OLAH: variants seen among roughly 807,000 people sequenced by gnomAD.
The protein encoded by OLAH is S-acyl fatty acid synthase thioesterase, medium chain.
OLAH carries 33 observed loss-of-function variants against 27.8 expected under a neutral mutation model. The observed-to-expected ratio is 1.19, with a 90% CI of 0.90 to 1.59. OLAH has a LOEUF of 1.59. OLAH is among the 40% of genes most tolerant of loss of function. OLAH has a pLI of 0.00. For synonymous variants in OLAH, 120 were observed against 102.9 expected (o/e 1.17, Z -1.01); for missense variants, 359 against 310.8 (o/e 1.16, Z -1.17).
chr10:15,069,250 C>G (rs748050522), intron 6 of OLAH, among the ~76,000 whole-genome samples: 1 of 152,156 alleles, frequency 6.6e-6, no homozygotes, highest in African/African-American at 2.4e-5. Context: ...TGGAAGATTC[C>G]TGCCCCTTCC....
At chr10:15,056,863 T>C in intron 3 of OLAH, 1 of 1,524,658 alleles carries the variant, frequency 6.6e-7, no homozygotes. Flanking sequence ...GGTCTCAAAC[T>C]CCGGCGCTCA....
At chr10:15,050,214 T>G (rs775689513) in intron 3 of OLAH, among the ~76,000 whole-genome samples, 3 of 152,306 alleles carry the variant, frequency 2.0e-5, no homozygotes, top group Middle Eastern at 3.4e-3. Context: ...GGCCAGGAGT[T>G]CAAGACCAGT....
At chr10:15,060,198 C>A (rs1411405432) in intron 3 of OLAH, among the ~76,000 whole-genome samples, 2 of 152,092 alleles carry the variant, frequency 1.3e-5, no homozygotes, top group African/African-American at 4.8e-5. Flanking sequence ...AAGACAGAGT[C>A]TCAGTCTGTC....
In OLAH at chr10:15,056,801, T is replaced by A. The variant is rs754090485; in HGVS notation, c.164-4923T>A. 19 of 1,445,366 alleles carry A rather than the reference T, an allele frequency of 1.3e-5. No individual in the cohort carries two copies. The South Asian group carries it at 2.7e-4, about 21-fold the overall frequency. The allele number at this position is 1,445,366 out of a possible 1,614,324, so 89.5% of individuals were successfully genotyped here. On this transcript the variant is annotated intron_variant, in intron 3 of 7. Coordinates refer to ENST00000378228, the MANE Select transcript of OLAH (RefSeq NM_001039702.3). Reference sequence around the variant, plus strand: ...ATACACCACTATGCTCGGCTAATTTTATTTTATTTTATTTTTTTGTAGAGA... The same window carrying A: ...ATACACCACTATGCTCGGCTAATTTAATTTTATTTTATTTTTTTGTAGAGA...
At chr10:15,054,955 T>C (rs1003215838) in intron 3 of OLAH, among the ~76,000 whole-genome samples, 4 of 151,858 alleles carry the variant, frequency 2.6e-5, no homozygotes, top group Admixed American at 2.0e-4. Flanking sequence ...CTTTGTGAGG[T>C]GTTTTTTGTT....
chr10:15,051,453 G>A (rs1220716360), intron 3 of OLAH, among the ~76,000 whole-genome samples: 1 of 152,228 alleles, frequency 6.6e-6, no homozygotes, highest in Non-Finnish European at 1.5e-5. Context: ...TCTAATGGCT[G>A]CAAGCCTTGC....
At position 15,072,036 on chromosome 10, in the gene OLAH, C is replaced by T. The variant is rs138873171; in HGVS notation, c.655+159C>T. Reference sequence around the variant, plus strand: ...GCAACCTCCGCCTCCCAGGTTCAAACGATTCTCCTGCCTCAGCCTCCTGAG... The same window carrying T: ...GCAACCTCCGCCTCCCAGGTTCAAATGATTCTCCTGCCTCAGCCTCCTGAG... On this transcript the variant is annotated intron_variant, in intron 7 of 7. Coordinates refer to ENST00000378228, the MANE Select transcript of OLAH (RefSeq NM_001039702.3). Among the ~76,000 whole-genome samples the T allele has an allele frequency of 7.5e-3, 1,140 of 152,190 alleles. 15 individuals carry two copies. The highest frequency in any genetic ancestry group is 0.026 in the African/African-American group (1,061 of 41,518).
chr10:15,071,566 G>A (rs951816604), intron 6 of OLAH: 2 of 985,306 alleles, frequency 2.0e-6, no homozygotes, highest in African/African-American at 1.7e-5. Flanking sequence ...GTGCCATCCT[G>A]CTGCCACGTG....
At chr10:15,069,033 C>T (rs1412619629) in intron 6 of OLAH, among the ~76,000 whole-genome samples, 1 of 152,138 alleles carries the variant, frequency 6.6e-6, no homozygotes, top group Non-Finnish European at 1.5e-5. Flanking sequence ...CCTCCTGTTG[C>T]CCTCCCCAAT....
chr10:15,044,645 T>A (rs1035943467), intron 1 of OLAH, among the ~76,000 whole-genome samples: 2 of 152,126 alleles, frequency 1.3e-5, no homozygotes, highest in African/African-American at 4.8e-5. Flanking sequence ...GTGACAAACT[T>A]AGTTTTTACT....
intron 3 of OLAH, among the ~76,000 whole-genome samples, chr10:15,053,256 T>C (rs1174577593): frequency 2.0e-5 from 3 of 152,094 alleles, no homozygotes. Flanking sequence ...TGTTAAACCA[T>C]CTATCTAAAA....
intron 3 of OLAH, among the ~76,000 whole-genome samples, chr10:15,051,143 T>C (rs771904374): frequency 2.6e-5 from 4 of 150,948 alleles, no homozygotes; most frequent in Non-Finnish European, 5.9e-5. Context: ...TGGCATGATC[T>C]TGGCTCACTG....
upstream of OLAH, among the ~76,000 whole-genome samples, chr10:15,042,574 T>C (rs759679542): frequency 1.3e-5 from 2 of 152,216 alleles, no homozygotes; most frequent in Non-Finnish European, 2.9e-5. Flanking sequence ...CATTTTAGAA[T>C]GTACAATTAA....
chr10:15,061,441 C>A (rs1342911043), intron 3 of OLAH, among the ~76,000 whole-genome samples: 1 of 151,900 alleles, frequency 6.6e-6, no homozygotes, highest in Non-Finnish European at 1.5e-5. Flanking sequence ...GTAAGCATTT[C>A]ATCAGCACAT....
At chr10:15,062,376 A>G (rs910348627) in intron 4 of OLAH, among the ~76,000 whole-genome samples, 4 of 152,082 alleles carry the variant, frequency 2.6e-5, no homozygotes, top group Non-Finnish European at 4.4e-5. Flanking sequence ...ATTATATAAG[A>G]TTTACAAATA....
chr10:15,035,749 C>A, intron 1 of OLAH, among the ~76,000 whole-genome samples: 1 of 152,154 alleles, frequency 6.6e-6, no homozygotes, highest in East Asian at 1.9e-4. Flanking sequence ...TGGGGAAGCA[C>A]AGAGGTAGAT....
chr10:15,063,974 A>G (rs1844417181), intron 4 of OLAH, among the ~76,000 whole-genome samples: 1 of 152,206 alleles, frequency 6.6e-6, no homozygotes, highest in Non-Finnish European at 1.5e-5. Flanking sequence ...TCCACTGTGT[A>G]TTCATTAGAG....
At chr10:15,042,615 C>T (rs1843939593), upstream of OLAH, among the ~76,000 whole-genome samples, 1 of 152,134 alleles carries the variant, frequency 6.6e-6, no homozygotes, top group Non-Finnish European at 1.5e-5. Context: ...CTCTGTTGTG[C>T]TATAAAATAG....
chr10:15,071,922 T>C, intron 7 of OLAH, 45 bp downstream of exon 7: 1 of 1,455,542 alleles, frequency 6.9e-7, no homozygotes, highest in Non-Finnish European at 9.6e-7. Flanking sequence ...AATATATGTT[T>C]GATGGCTTTA....
Sources: allele counts gnomAD v4.1 joint callset (sites outside exome capture counted in the v4.1 genomes callset), GRCh38; gene constraint gnomAD v4.1.1; transcripts MANE v1.5; gene names NCBI Gene and HGNC (gene_info 2026-07-23, HGNC 2026-07-21).